RAP1GDS1: variants seen among roughly 807,000 people sequenced by gnomAD.
RAP1GDS1 encodes the protein RAP1, GTP-GDP dissociation stimulator 1.
Under a neutral mutation model 71.1 loss-of-function variants are expected in RAP1GDS1, and 35 were observed. That is an observed-to-expected ratio of 0.49 (90% CI 0.38 to 0.65). The LOEUF (loss-of-function observed/expected upper bound fraction) is 0.65. RAP1GDS1 is among the 30% of genes least tolerant of loss of function. The pLI, the probability that RAP1GDS1 is intolerant of heterozygous loss-of-function variation, is 0.00. For synonymous variants in RAP1GDS1, 229 were observed against 243.1 expected, an observed-to-expected ratio of 0.94 and a Z score of 0.54; for missense variants, 663 against 706.1, an observed-to-expected ratio of 0.94 and a Z score of 0.69.
chr4:98,364,679 G>A (rs1047502810), intron 4 of RAP1GDS1, among the ~76,000 whole-genome samples: 10 of 151,570 alleles, frequency 6.6e-5, no homozygotes, highest in Non-Finnish European at 1.2e-4. Flanking sequence ...AAGTGATGGA[G>A]GAAAAACTTT....
chr4:98,331,459 A>G (rs539209183), intron 2 of RAP1GDS1, among the ~76,000 whole-genome samples: 211 of 152,308 alleles, frequency 1.4e-3, no homozygotes, highest in African/African-American at 4.7e-3. Context: ...AAGAGTGGCT[A>G]TGGTTAAAAA....
intron 2 of RAP1GDS1, among the ~76,000 whole-genome samples, chr4:98,330,898 C>G (rs1374654060): frequency 6.6e-6 from 1 of 152,192 alleles, no homozygotes; most frequent in Non-Finnish European, 1.5e-5. Context: ...GATGGGCTGG[C>G]AGCTGGGCAG....
At chr4:98,373,398 C>T (rs1220658788) in intron 4 of RAP1GDS1, among the ~76,000 whole-genome samples, 1 of 151,554 alleles carries the variant, frequency 6.6e-6, no homozygotes, top group African/African-American at 2.4e-5. Context: ...CCTCCCTCTC[C>T]CTCTCTCTCC....
intron 1 of RAP1GDS1, 68 bp downstream of exon 1, chr4:98,261,637 A>G: frequency 6.5e-7 from 1 of 1,539,386 alleles, no homozygotes; most frequent in Non-Finnish European, 8.9e-7. Context: ...GCAGGGTGGG[A>G]AGCATTTCTC....
chr4:98,434,639 A>G (rs1401854283), intron 13 of RAP1GDS1, among the ~76,000 whole-genome samples: 1 of 131,128 alleles, frequency 7.6e-6, no homozygotes. Context: ...TTTTTTTTTG[A>G]AACAGTCTTG....
At chr4:98,344,969 A>T (rs1736009819) in intron 3 of RAP1GDS1, among the ~76,000 whole-genome samples, 1 of 152,078 alleles carries the variant, frequency 6.6e-6, no homozygotes, top group Non-Finnish European at 1.5e-5. Context: ...GACCATAGGC[A>T]TGTGCCACCA....
intron 4 of RAP1GDS1, among the ~76,000 whole-genome samples, chr4:98,362,961 T>G (rs1738962747): frequency 6.6e-6 from 1 of 152,118 alleles, no homozygotes; most frequent in Non-Finnish European, 1.5e-5. Context: ...GAGCAAGAAG[T>G]CTCTATCCTT....
chr4:98,375,152 C>G (rs1414550485), intron 4 of RAP1GDS1, among the ~76,000 whole-genome samples: 1 of 152,050 alleles, frequency 6.6e-6, no homozygotes, highest in Non-Finnish European at 1.5e-5. Flanking sequence ...CTCTCTGAAA[C>G]CTGTAGGGGA....
intron 7 of RAP1GDS1, among the ~76,000 whole-genome samples, chr4:98,415,120 T>C (rs1410673124): frequency 6.6e-6 from 1 of 152,168 alleles, no homozygotes; most frequent in African/African-American, 2.4e-5. Context: ...TTCAGTGATA[T>C]CTCTCCTACT....
chr4:98,364,166 T>G (rs1434062799), intron 4 of RAP1GDS1, among the ~76,000 whole-genome samples: 1 of 152,158 alleles, frequency 6.6e-6, no homozygotes, highest in African/African-American at 2.4e-5. Flanking sequence ...GAATAAATAT[T>G]CAAAAAGTTA....
intron 1 of RAP1GDS1, among the ~76,000 whole-genome samples, chr4:98,271,815 A>G (rs747696573): frequency 2.6e-5 from 4 of 152,202 alleles, no homozygotes; most frequent in Non-Finnish European, 5.9e-5. Context: ...CAACAATTCT[A>G]TGAAGTAGGT....
intron 4 of RAP1GDS1, among the ~76,000 whole-genome samples, chr4:98,364,338 T>A (rs1041647112): frequency 1.3e-5 from 2 of 152,078 alleles, no homozygotes; most frequent in African/African-American, 4.8e-5. Context: ...CAGCCACCCC[T>A]GCCAAATTTT....
chr4:98,367,290 G>T (rs1739638790), intron 4 of RAP1GDS1, among the ~76,000 whole-genome samples: 1 of 152,192 alleles, frequency 6.6e-6, no homozygotes, highest in Non-Finnish European at 1.5e-5. Context: ...CAGAAGTCAA[G>T]AATTGAGTTT....
At chr4:98,395,423 T>TTTC (rs1386531108) in intron 6 of RAP1GDS1, among the ~76,000 whole-genome samples, 1 of 152,196 alleles carries the variant, frequency 6.6e-6, no homozygotes, top group Admixed American at 6.6e-5. Context: ...TGTTTTAAAG[T>TTTC]TTCCATAATG....
At chr4:98,410,448 G>A (rs1746880968) in intron 7 of RAP1GDS1, among the ~76,000 whole-genome samples, 1 of 152,020 alleles carries the variant, frequency 6.6e-6, no homozygotes, top group African/African-American at 2.4e-5. Context: ...GTGTAAATTG[G>A]TACAATTGGG....
intron 6 of RAP1GDS1, among the ~76,000 whole-genome samples, chr4:98,401,800 T>G (rs905254495): frequency 6.6e-6 from 1 of 152,198 alleles, no homozygotes; most frequent in African/African-American, 2.4e-5. Flanking sequence ...CATAATTTCC[T>G]TATACTGGCA....
At chr4:98,294,412 AC>A (rs1246871855) in intron 2 of RAP1GDS1, among the ~76,000 whole-genome samples, 2 of 152,054 alleles carry the variant, frequency 1.3e-5, no homozygotes, top group African/African-American at 4.8e-5. Context: ...TGATTGCAGT[AC>A]TTTTCATCAA....
At chr4:98,428,301 T>C (rs2110206934) in intron 12 of RAP1GDS1, among the ~76,000 whole-genome samples, 1 of 152,266 alleles carries the variant, frequency 6.6e-6, no homozygotes, top group East Asian at 1.9e-4. Flanking sequence ...GGCAAGGATT[T>C]CATGATCAAG....
Position 98,403,364 on chromosome 4 carries a change from T to C in RAP1GDS1, c.638-1113T>C, listed in dbSNP as rs142942943. 3.9e-4 allele frequency among the ~76,000 whole-genome samples: 60 copies of C among 152,214 alleles called. 1 individual carries two copies. Among genetic ancestry groups the C allele is most frequent in the Admixed American group, 2.8e-3 (43 of 15,284 alleles). ...ATGGATTTGGGTTGGATTTTGGAGG[T>C]AGATTGACAGACCTTGGTGATTTAT... On this transcript the variant is annotated intron_variant, in intron 6 of 14. Coordinates refer to ENST00000408927, the MANE Select transcript of RAP1GDS1 (RefSeq NM_001100427.2).
Sources: gnomAD v4.1 joint callset for allele counts (sites outside exome capture counted in the v4.1 genomes callset) on GRCh38, gnomAD v4.1.1 for gene constraint, MANE v1.5 for transcripts, NCBI Gene and HGNC (gene_info 2026-07-23, HGNC 2026-07-21) for gene names.